Variants in BLTP3B observed in about 807,000 individuals in gnomAD.
BLTP3B encodes UHRF1 (ICBP90) binding protein 1-like.
the BLTP3B span, among the ~76,000 whole-genome samples, chr12:100,134,475 A>G: frequency 2.6e-5 from 4 of 151,906 alleles, no homozygotes; most frequent in East Asian, 7.7e-4. Flanking sequence ...AAATTAGCCA[A>G]ACATGGTGGC....
the BLTP3B span, among the ~76,000 whole-genome samples, chr12:100,088,184 G>A: frequency 6.6e-6 from 1 of 152,142 alleles, no homozygotes; most frequent in Non-Finnish European, 1.5e-5. Flanking sequence ...ACAGAGATCA[G>A]ATAACTCTAT....
the BLTP3B span, among the ~76,000 whole-genome samples, chr12:100,134,751 ATTGCTTATG>A: frequency 6.6e-6 from 1 of 152,098 alleles, no homozygotes. Flanking sequence ...CACCTTTTCC[ATTGCTTATG>A]TTGCTTATGT....
At chr12:100,082,316 A>G in the BLTP3B span, among the ~76,000 whole-genome samples, 1 of 152,246 alleles carries the variant, frequency 6.6e-6, no homozygotes, top group Admixed American at 6.5e-5. Flanking sequence ...CCTTTGTCAG[A>G]TAAATAATTT....
chr12:100,070,863 A>G, the BLTP3B span, among the ~76,000 whole-genome samples: 5 of 152,038 alleles, frequency 3.3e-5, no homozygotes, highest in African/African-American at 1.2e-4. Context: ...AAAATCAGCC[A>G]GATGTGGTGG....
chr12:100,048,435 T>C, the BLTP3B span, among the ~76,000 whole-genome samples: 1 of 152,056 alleles, frequency 6.6e-6, no homozygotes, highest in African/African-American at 2.4e-5. Context: ...GAAAAACACA[T>C]TATGATAGAA....
At chr12:100,140,720 AAAAAAAAAAATATATAT>A in the BLTP3B span, among the ~76,000 whole-genome samples, 3 of 123,628 alleles carry the variant, frequency 2.4e-5, no homozygotes, top group African/African-American at 1.1e-4. Context: ...AAAAAAAAAA[AAAAAAAAAAATATATAT>A]ATATATATAT....
the BLTP3B span, among the ~76,000 whole-genome samples, chr12:100,052,842 G>A: frequency 4.2e-5 from 6 of 143,092 alleles, no homozygotes; most frequent in Non-Finnish European, 7.5e-5. Flanking sequence ...CACCCAGGCT[G>A]GAGTGCAGTG....
the BLTP3B span, among the ~76,000 whole-genome samples, chr12:100,118,926 ACT>A: frequency 6.6e-6 from 1 of 152,152 alleles, no homozygotes; most frequent in African/African-American, 2.4e-5. Flanking sequence ...ACATGGTAAA[ACT>A]CTGTCTTTAC....
the BLTP3B span, chr12:100,058,227 GAATCTT>G: frequency 6.2e-7 from 1 of 1,612,526 alleles, no homozygotes; most frequent in East Asian, 2.2e-5. Flanking sequence ...AAGTATATTC[GAATCTT>G]CTCTGTAGTT....
At chr12:100,124,616 G>A in the BLTP3B span, among the ~76,000 whole-genome samples, 14 of 150,966 alleles carry the variant, frequency 9.3e-5, 1 homozygote, top group South Asian at 2.1e-4. Flanking sequence ...GTGATGGCAC[G>A]CGCCTGTAAT....
chr12:100,042,357 C>T, the BLTP3B span, among the ~76,000 whole-genome samples: 1 of 151,900 alleles, frequency 6.6e-6, no homozygotes, highest in African/African-American at 2.4e-5. Context: ...AGTTGGACGA[C>T]TCACATGTTC....
chr12:100,131,950 C>A, the BLTP3B span, among the ~76,000 whole-genome samples: 3 of 152,216 alleles, frequency 2.0e-5, no homozygotes, highest in South Asian at 6.2e-4. Context: ...CCACCATGCC[C>A]GGCTAATTTT....
the BLTP3B span, among the ~76,000 whole-genome samples, chr12:100,117,398 T>A: frequency 4.6e-5 from 7 of 152,160 alleles, no homozygotes; most frequent in African/African-American, 1.7e-4. Context: ...CAAAAACCCC[T>A]AATGCCAATC....
At chr12:100,058,934 T>G in the BLTP3B span, 1 of 1,614,068 alleles carries the variant, frequency 6.2e-7, no homozygotes, top group East Asian at 2.2e-5. Flanking sequence ...GACCACCATT[T>G]GTCAAAGGCT....
At chr12:100,058,579 T>A in the BLTP3B span, 3 of 1,612,948 alleles carry the variant, frequency 1.9e-6, no homozygotes, top group Admixed American at 3.3e-5. Flanking sequence ...CCATTTTCTG[T>A]AGGCAAATAA....
At chr12:100,068,848 T>C in the BLTP3B span, among the ~76,000 whole-genome samples, 1 of 152,200 alleles carries the variant, frequency 6.6e-6, no homozygotes, top group Non-Finnish European at 1.5e-5. Flanking sequence ...TAGTACATGT[T>C]GGCATTGATG....
At chr12:100,114,130 A>G in the BLTP3B span, among the ~76,000 whole-genome samples, 1 of 152,172 alleles carries the variant, frequency 6.6e-6, no homozygotes, top group Admixed American at 6.5e-5. Context: ...ATTAATAAAT[A>G]CCTCTTGGAG....
chr12:100,104,046 C>T, the BLTP3B span: 2 of 798,510 alleles, frequency 2.5e-6, no homozygotes, highest in Non-Finnish European at 3.8e-6. Context: ...ATAGGACAGA[C>T]ACACCAAATT....
At chr12:100,103,929 G>A in the BLTP3B span, 1 of 1,600,400 alleles carries the variant, frequency 6.2e-7, no homozygotes, top group Non-Finnish European at 8.5e-7. Flanking sequence ...GATGGGATGT[G>A]TTTTCAGTTT....
Sources: gnomAD v4.1 joint callset for allele counts (sites outside exome capture counted in the v4.1 genomes callset) on GRCh38, gnomAD v4.1.1 for gene constraint, MANE v1.5 for transcripts, NCBI Gene and HGNC (gene_info 2026-07-23, HGNC 2026-07-21) for gene names.